The following STK3 variants were observed in gnomAD, a reference collection of about 807,000 sequenced individuals.
The protein encoded by STK3 is serine/threonine-protein kinase 3.
A neutral mutation model predicts 58.0 loss-of-function variants in STK3; 41 were observed. The ratio of observed to expected loss-of-function variants is 0.71; its 90% CI spans 0.55 to 0.92. The LOEUF is 0.92. Ranked by LOEUF, STK3 falls within the 40% of genes least tolerant of loss-of-function variation. The probability of loss-of-function intolerance (pLI) is 0.00; values close to 1 mark genes in which losing one functional copy is unlikely to be tolerated. For missense variants in STK3, 479 were observed against 602.7 expected, an observed-to-expected ratio of 0.79 and a Z score of 2.15; for synonymous variants, 170 against 191.0, an observed-to-expected ratio of 0.89 and a Z score of 0.91.
chr8:98,883,780 C>T (rs1360699867), exon 2 of STK3: 1 of 699,230 alleles, frequency 1.4e-6, no homozygotes, highest in South Asian at 1.5e-5. Flanking sequence ...GAGTCTAGCT[C>T]AGAGAGATCT....
At chr8:98,834,588 G>A (rs1436182017) in intron 3 of STK3, among the ~76,000 whole-genome samples, 2 of 152,210 alleles carry the variant, frequency 1.3e-5, no homozygotes, top group African/African-American at 4.8e-5. Context: ...GGGCCTGGCA[G>A]ATTCAGTGTC....
downstream of STK3, among the ~76,000 whole-genome samples, chr8:98,400,424 T>C (rs1380650283): frequency 6.6e-6 from 1 of 152,244 alleles, no homozygotes; most frequent in African/African-American, 2.4e-5. Context: ...CCTGCCGTAC[T>C]GAGGTTTGTC....
chr8:98,435,547 A>G (rs948624082), intron 2 of STK3, among the ~76,000 whole-genome samples: 1 of 151,534 alleles, frequency 6.6e-6, no homozygotes, highest in Admixed American at 6.6e-5. Flanking sequence ...GTCACAGTAT[A>G]GATCAGATAC....
chr8:98,850,091 G>A (rs1836389919), intron 3 of STK3, among the ~76,000 whole-genome samples: 1 of 151,996 alleles, frequency 6.6e-6, no homozygotes, highest in Non-Finnish European at 1.5e-5. Context: ...TTTTCTGCAA[G>A]GTGAAGTCTA....
intron 6 of STK3, among the ~76,000 whole-genome samples, chr8:98,667,492 G>T (rs1822450103): frequency 6.6e-6 from 1 of 152,004 alleles, no homozygotes; most frequent in Admixed American, 6.6e-5. Flanking sequence ...ACAAGAAAAG[G>T]ATTATAAATT....
At chr8:98,587,012 C>A (rs898243666) in intron 7 of STK3, among the ~76,000 whole-genome samples, 2 of 151,978 alleles carry the variant, frequency 1.3e-5, no homozygotes, top group African/African-American at 2.4e-5. Context: ...GTCTTGCTAG[C>A]GGTCTATCAA....
chr8:98,852,726 ACTGTGGGTCTCATGTTAT>A (rs1836523595), intron 3 of STK3, among the ~76,000 whole-genome samples: 1 of 152,190 alleles, frequency 6.6e-6, no homozygotes, highest in African/African-American at 2.4e-5. Flanking sequence ...GTAAGATACT[ACTGTGGGTCTCATGTTAT>A]CCACAGAATC....
At chr8:98,508,827 T>G (rs1824282158) in intron 10 of STK3, among the ~76,000 whole-genome samples, 1 of 152,058 alleles carries the variant, frequency 6.6e-6, no homozygotes, top group Non-Finnish European at 1.5e-5. Context: ...TAAGCAAAAT[T>G]ATTAGGATTC....
At chr8:98,819,831 C>T (rs574047258) in intron 1 of STK3, among the ~76,000 whole-genome samples, 55 of 152,292 alleles carry the variant, frequency 3.6e-4, no homozygotes, top group African/African-American at 1.3e-3. Context: ...CATAAAATGA[C>T]ATCCACCCCT....
chr8:98,523,827 G>C (rs1384026751), intron 10 of STK3, among the ~76,000 whole-genome samples: 1 of 152,082 alleles, frequency 6.6e-6, no homozygotes, highest in Non-Finnish European at 1.5e-5. Context: ...CCACTCTGTT[G>C]ATAGTGTCTT....
chr8:98,585,195 C>T (rs1339222747), intron 7 of STK3, among the ~76,000 whole-genome samples: 2 of 151,758 alleles, frequency 1.3e-5, no homozygotes, highest in African/African-American at 4.8e-5. Flanking sequence ...AATGGTAATG[C>T]CTAGGTTTTC....
At chr8:98,805,287 A>G (rs1335832066) in intron 1 of STK3, among the ~76,000 whole-genome samples, 1 of 152,012 alleles carries the variant, frequency 6.6e-6, no homozygotes, top group Non-Finnish European at 1.5e-5. Flanking sequence ...TCCCACAATA[A>G]CTGTAATATA....
At chr8:98,834,583 T>G (rs1835679408) in intron 3 of STK3, among the ~76,000 whole-genome samples, 1 of 152,198 alleles carries the variant, frequency 6.6e-6, no homozygotes, top group African/African-American at 2.4e-5. Context: ...ATCAAGGGCC[T>G]GGCAGATTCA....
chr8:98,401,912 GC>G (rs951900856), intron 3 of STK3, among the ~76,000 whole-genome samples: 38 of 152,144 alleles, frequency 2.5e-4, no homozygotes, highest in African/African-American at 8.0e-4. Context: ...TTATTCTTGT[GC>G]GCATGCATTG....
intron 4 of STK3, among the ~76,000 whole-genome samples, chr8:98,733,537 C>A (rs924159336): frequency 6.6e-6 from 1 of 152,220 alleles, no homozygotes; most frequent in African/African-American, 2.4e-5. Flanking sequence ...GAAACTATCA[C>A]CCCCATCCGT....
intron 1 of STK3, among the ~76,000 whole-genome samples, chr8:98,940,829 G>A (rs1475422665): frequency 6.6e-6 from 1 of 152,230 alleles, no homozygotes; most frequent in African/African-American, 2.4e-5. Context: ...ATCCGTCTCA[G>A]AAACCCACCA....
intron 3 of STK3, among the ~76,000 whole-genome samples, chr8:98,856,146 A>G (rs1836664566): frequency 8.1e-6 from 1 of 123,812 alleles, no homozygotes; most frequent in Admixed American, 9.8e-5. Context: ...AAAGAGAGAG[A>G]CTCCATCTCA....
At chr8:98,671,573 G>T (rs140128009) in intron 6 of STK3, among the ~76,000 whole-genome samples, 3,417 of 150,798 alleles carry the variant, frequency 0.023, 49 homozygotes, top group Non-Finnish European at 0.035. Flanking sequence ...TTAGTTTGGG[G>T]TTTTTTTTTG....
chr8:98,695,651 A>G (rs1397366900), intron 6 of STK3, among the ~76,000 whole-genome samples: 3 of 152,178 alleles, frequency 2.0e-5, no homozygotes, highest in Non-Finnish European at 4.4e-5. Context: ...AAGATCAGAT[A>G]GTTGTAGATA....
Sources: gnomAD v4.1 joint callset for allele counts (sites outside exome capture counted in the v4.1 genomes callset) on GRCh38, gnomAD v4.1.1 for gene constraint, MANE v1.5 for transcripts, NCBI Gene and HGNC (gene_info 2026-07-23, HGNC 2026-07-21) for gene names.